LENG8: variants seen among roughly 807,000 people sequenced by gnomAD.
LENG8 encodes the protein leukocyte receptor cluster member 8.
Under a neutral mutation model 102.1 loss-of-function variants are expected in LENG8, and 28 were observed. That is an observed-to-expected ratio of 0.27 (90% CI 0.20 to 0.38). The LOEUF is 0.38. LENG8 is among the 10% of genes least tolerant of loss of function. The probability of loss-of-function intolerance (pLI) is 1.00; values close to 1 mark genes in which losing one functional copy is unlikely to be tolerated. For synonymous variants in LENG8, 531 were observed against 456.7 expected (o/e 1.16, Z -2.07); for missense variants, 1,022 against 1,113.9 (o/e 0.92, Z 1.17).
intron 15 of LENG8, 140 bp downstream of exon 15, chr19:54,458,661 C>T (rs1359174958): frequency 5.2e-6 from 8 of 1,552,824 alleles, no homozygotes; most frequent in African/African-American, 1.4e-5. Context: ...CATCTTTCTC[C>T]ATTCAGCCCT....
At position 54,450,626 on chromosome 19, in the gene LENG8, T is replaced by TA. The variant is rs1555979886; in HGVS notation, c.-55-664_-55-663insA. Among the ~76,000 whole-genome samples the TA allele has an allele frequency of 8.1e-3, 1,210 of 149,592 alleles. 20 individuals are homozygous for TA. Among genetic ancestry groups the TA allele is most frequent in the African/African-American group, 0.028 (1,122 of 40,522 alleles). On this transcript the variant is annotated intron_variant, in intron 1 of 15. Coordinates refer to ENST00000326764, the MANE Select transcript of LENG8 (RefSeq NM_052925.4). The stretch of plus-strand genomic sequence containing the variant: ...CAACCCGTACTCCCTAGCTTTTTTT[T>TA]TTTTTTTTTTTTTGAGACAGAGTTT...
intron 5 of LENG8, 89 bp from the exon 6 acceptor site, chr19:54,454,341 T>G (rs938709356): frequency 1.5e-6 from 2 of 1,359,450 alleles, no homozygotes; most frequent in Non-Finnish European, 2.0e-6. Flanking sequence ...CTGAGTGCTG[T>G]GACCACTGCG....
chr19:54,456,761 T>C lies in LENG8; in HGVS notation c.1571T>C (p.Leu524Pro). ...TTCCAGCACGGACACTCCCGCCGCC[T>C]GCGCCTCGAGCCCCTGGTGCTGCAG... ...ARFQHGHSRR[L>P]RLEPLVLQMS... is the part of the protein sequence containing the mutation. Residue 524 changes from leucine (L) to proline (P), a missense_variant, in exon 11 of 16, where the codon CTG becomes CCG. Leu to Pro is a moderately conservative substitution (Grantham distance 98). Transcript: ENST00000326764. 6.2e-7 allele frequency: 1 copy of C among 1,611,448 alleles called. No individual in the cohort carries two copies. Among genetic ancestry groups the C allele is most frequent in the Middle Eastern group, 1.7e-4 (1 of 6,028 alleles).
chr19:54,450,618 CTTTTTTTTTT>C (rs750997555), intron 1 of LENG8, among the ~76,000 whole-genome samples: 2 of 108,840 alleles, frequency 1.8e-5, no homozygotes, highest in Non-Finnish European at 1.8e-5. Context: ...TACTCCCTAG[CTTTTTTTTTT>C]TTTTTTTTTT....
At chr19:54,460,069 C>T (rs2084453131) in intron 15 of LENG8, 3 of 1,289,434 alleles carry the variant, frequency 2.3e-6, no homozygotes, top group Non-Finnish European at 3.0e-6. Context: ...CTGACCCTGC[C>T]CTGCCAGCTG....
At position 54,455,056 on chromosome 19, in the gene LENG8, G is replaced by T. The variant is rs899972804; in HGVS notation, c.785G>T (p.Gly262Val). ...SNAEGQHSGF[G>V]PQPNPEKVQN... is the part of the protein sequence containing the mutation. ...GCAGAGGGCCAGCACAGTGGTTTTG[G>T]CCCCCAGCCCAACCCTGAGAAAGTT... The change falls in exon 7 of 16, where the codon GGC becomes GTC. Residue 262 changes from glycine to valine, a missense_variant. Physicochemically the swap from Gly to Val is moderately radical, Grantham distance 109. Coordinates refer to ENST00000326764, the MANE Select transcript of LENG8 (RefSeq NM_052925.4). 2 of 1,614,144 alleles carry T rather than the reference G, an allele frequency of 1.2e-6. No individual in the cohort carries two copies. The highest frequency in any genetic ancestry group is 1.3e-5 in the African/African-American group (1 of 75,032).
chr19:54,454,578 A>G lies in LENG8; in HGVS notation c.575A>G (p.Gln192Arg), dbSNP rs757311907. ...GPQPGTAPAT[Q>R]HSQAGPATGQ... is the part of the protein sequence containing the mutation. Reference sequence around the variant, plus strand: ...CAGCCTGGGACAGCTCCAGCCACACAGCACAGCCAGGCGGGGCCCGCCACG... The same window carrying G: ...CAGCCTGGGACAGCTCCAGCCACACGGCACAGCCAGGCGGGGCCCGCCACG... The change falls in exon 6 of 16, where the codon CAG becomes CGG. Residue 192 changes from glutamine (Q) to arginine (R), a missense_variant. By Grantham distance (43) the Gln-to-Arg change is conservative (BLOSUM62 1). Coordinates refer to ENST00000326764, the MANE Select transcript of LENG8 (RefSeq NM_052925.4). 6 of 1,609,270 alleles carry G rather than the reference A, an allele frequency of 3.7e-6. No individual in the cohort carries two copies. Among genetic ancestry groups the G allele is most frequent in the Non-Finnish European group, 5.1e-6 (6 of 1,178,884 alleles).
chr19:54,453,648 C>A lies in LENG8; in HGVS notation c.418C>A (p.Leu140Met), dbSNP rs1275254985. The A allele has an allele frequency of 1.2e-6, 2 of 1,612,344 alleles. No individual in the cohort carries two copies. Among genetic ancestry groups the A allele is most frequent in the Admixed American group, 1.7e-5 (1 of 59,886 alleles). ...QPSAPQHQGT[L>M]NQPPVPGMDE... ...ATCCGCACCCCAACACCAAGGGACT[C>A]TGAACCAGGTAACATCCTAGCCCAG... Residue 140 changes from leucine (L) to methionine (M), a missense_variant, in exon 5 of 16, where the codon CTG becomes ATG. By Grantham distance (15) the Leu-to-Met change is conservative. This residue lies in a region of LENG8 where 343 missense variants were observed against 320.2 expected (regional missense o/e 1.07). Coordinates refer to ENST00000326764, the MANE Select transcript of LENG8 (RefSeq NM_052925.4).
chr19:54,457,111 G>T (rs1479030930), intron 11 of LENG8, among the ~76,000 whole-genome samples, 190 bp downstream of exon 11: 2 of 152,264 alleles, frequency 1.3e-5, no homozygotes, highest in Non-Finnish European at 2.9e-5. Flanking sequence ...GGAGCCCCGC[G>T]TGGCGGGTGT....
intron 10 of LENG8, 62 bp from the exon 11 acceptor site, chr19:54,456,574 G>A (rs899323615): frequency 6.3e-5 from 97 of 1,548,422 alleles, no homozygotes; most frequent in Middle Eastern, 5.4e-4. Flanking sequence ...GCTGCCAAAG[G>A]GGCGAGGCTG....
Position 54,461,526 on chromosome 19 carries a change from C to A in LENG8, c.*598C>A. 2.1e-6 allele frequency: 1 copy of A among 471,356 alleles called. No individual in the cohort carries two copies. Among genetic ancestry groups the A allele is most frequent in the East Asian group, 6.9e-5 (1 of 14,416 alleles). The allele number at this position is 471,356 out of a possible 1,614,324, so 29.2% of individuals were successfully genotyped here. On this transcript the variant is annotated 3_prime_UTR_variant, in exon 16 of 16. Transcript: ENST00000326764. Reference sequence around the variant, plus strand: ...CAGCACCAGATCCTCCGCCGCCACACCGCACTGAGGACACGCCGGCCGGGC... The same window carrying A: ...CAGCACCAGATCCTCCGCCGCCACAACGCACTGAGGACACGCCGGCCGGGC...
chr19:54,457,969 G>A lies in LENG8; in HGVS notation c.1869G>A (p.Val623=). Residue 623 remains valine (V), a synonymous_variant, in exon 13 of 16, where the codon GTG becomes GTA. Coordinates refer to ENST00000326764, the MANE Select transcript of LENG8 (RefSeq NM_052925.4). ...TCCGCACCGAGTTCACGGTGGAGGT[G>A]TACGAGACCCATGCCCGGATCGCCT... is the stretch of plus-strand genomic sequence containing the variant. ...QGIRTEFTVE[V]YETHARIALE... is the part of the protein sequence containing the mutation. 6.2e-7 allele frequency: 1 copy of A among 1,613,816 alleles called. No individual in the cohort carries two copies. Among genetic ancestry groups the A allele is most frequent in the Non-Finnish European group, 8.5e-7 (1 of 1,180,040 alleles).
At chr19:54,460,360 A>C (rs2123214527) in intron 15 of LENG8, 1 of 1,208,008 alleles carries the variant, frequency 8.3e-7, no homozygotes, top group African/African-American at 1.6e-5. Context: ...CTGGCTTCCC[A>C]GACACTGTAA....
chr19:54,460,585 A>AG (rs1432110922), intron 15 of LENG8, 181 bp from the exon 16 acceptor site: 24 of 1,356,382 alleles, frequency 1.8e-5, no homozygotes, highest in Non-Finnish European at 2.1e-5. Flanking sequence ...GGGGTCACTA[A>AG]CCCCCCCCGG....
chr19:54,461,000 C>T lies in LENG8; in HGVS notation c.*72C>T. On this transcript the variant is annotated 3_prime_UTR_variant, in exon 16 of 16. Transcript: ENST00000326764. ...TGCCTTTGCGGATTCTGTTTTTGAG[C>T]CGTGGACTTGGGTTGTAAATTTATT... is the stretch of plus-strand genomic sequence containing the variant. 1 of 1,532,432 alleles carries T rather than the reference C, an allele frequency of 6.5e-7. No homozygotes were observed. Among genetic ancestry groups the T allele is most frequent in the Non-Finnish European group, 8.7e-7 (1 of 1,145,176 alleles). The allele number at this position is 1,532,432 out of a possible 1,614,324, so 94.9% of individuals were successfully genotyped here. A position where few individuals can be genotyped will look rare whatever the true frequency, so the allele number is the denominator to read the frequency against.
intron 15 of LENG8, chr19:54,460,534 C>A: frequency 7.1e-7 from 1 of 1,406,898 alleles, no homozygotes; most frequent in South Asian, 1.5e-5. Context: ...CCTCCCTGGC[C>A]CCCGCACAGG....
In LENG8 at chr19:54,456,345, A is replaced by C; in HGVS notation, c.1325A>C (p.Asp442Ala). 6.2e-7 allele frequency: 1 copy of C among 1,613,762 alleles called. No individual in the cohort carries two copies. The highest frequency in any genetic ancestry group is 8.5e-7 in the Non-Finnish European group (1 of 1,179,978). Reference protein sequence around the residue: ...FRRSDSHSDSDSSYSGNECHP... With the variant: ...FRRSDSHSDSASSYSGNECHP... ...TGCAGTGACTCCCACTCAGACTCCGACAGCTCCTACTCAGGGAATGAGTGT... is the reference window on the plus strand; with the variant it reads ...TGCAGTGACTCCCACTCAGACTCCGCCAGCTCCTACTCAGGGAATGAGTGT... The change falls in exon 10 of 16, where the codon GAC becomes GCC. Residue 442 changes from aspartate to alanine, a missense_variant. Asp to Ala is a moderately radical substitution (Grantham distance 126). Around this residue, in one of 7 missense-constraint regions of LENG8, gnomAD observed 326 missense variants for 324.5 expected, o/e 1.00. Transcript: ENST00000326764.
At chr19:54,452,917 G>T (rs1027449088) in intron 4 of LENG8, among the ~76,000 whole-genome samples, 165 bp downstream of exon 4, 2 of 152,074 alleles carry the variant, frequency 1.3e-5, no homozygotes, top group Non-Finnish European at 1.5e-5. Flanking sequence ...AAATTCCTAG[G>T]TCCCCGCCAT....
intron 4 of LENG8, among the ~76,000 whole-genome samples, chr19:54,452,976 C>T (rs966462497): frequency 3.9e-5 from 6 of 152,300 alleles, no homozygotes; most frequent in South Asian, 2.1e-4. Context: ...TCTCCTCATG[C>T]TCATTCTGCC....
Sources: allele counts gnomAD v4.1 joint callset (sites outside exome capture counted in the v4.1 genomes callset), GRCh38; gene constraint gnomAD v4.1.1; regional missense constraint gnomAD v4.1.1; transcripts MANE v1.5; gene names NCBI Gene and HGNC (gene_info 2026-07-23, HGNC 2026-07-21).